TDG: variants seen among roughly 807,000 people sequenced by gnomAD.
TDG encodes G/T mismatch-specific thymine DNA glycosylase.
A neutral mutation model predicts 46.1 loss-of-function variants in TDG; 23 were observed. That is an observed-to-expected ratio of 0.50 (90% CI 0.36 to 0.71). The LOEUF is 0.71. Ranked by LOEUF, TDG falls within the 30% of genes least tolerant of loss-of-function variation. The pLI is 0.00. For missense variants in TDG, 304 were observed against 486.7 expected, an observed-to-expected ratio of 0.62 and a Z score of 3.53; for synonymous variants, 115 against 161.3, an observed-to-expected ratio of 0.71 and a Z score of 2.18.
intron 1 of TDG, among the ~76,000 whole-genome samples, chr12:103,967,221 T>G (rs556427873): frequency 6.6e-6 from 1 of 152,310 alleles, no homozygotes; most frequent in Non-Finnish European, 1.5e-5. Flanking sequence ...ATAGTAGGAC[T>G]TCAATACACT....
intron 1 of TDG, chr12:103,968,044 G>C (rs1395453062): frequency 7.2e-6 from 1 of 139,048 alleles, no homozygotes; most frequent in South Asian, 2.2e-4. Flanking sequence ...TGGCCAGGCG[G>C]GTCTTGAACT....
intron 1 of TDG, chr12:103,968,057 T>C (rs999398738): frequency 1.3e-5 from 2 of 149,906 alleles, no homozygotes; most frequent in Non-Finnish European, 3.0e-5. Context: ...CTTGAACTCC[T>C]GGCTTCAAGT....
chr12:103,966,609 C>T (rs560110873), intron 1 of TDG, among the ~76,000 whole-genome samples: 12 of 152,218 alleles, frequency 7.9e-5, no homozygotes, highest in Middle Eastern at 3.4e-3. Context: ...TTGAGTTTTC[C>T]AGTGGCCTTG....
At chr12:103,982,385 C>T (rs1419874504) in intron 4 of TDG, among the ~76,000 whole-genome samples, 2 of 152,154 alleles carry the variant, frequency 1.3e-5, no homozygotes, top group East Asian at 1.9e-4. Context: ...CTCAAAGTTT[C>T]CTAAACTGAG....
chr12:103,987,413 T>C lies in TDG; in HGVS notation c.*323T>C, dbSNP rs1160658901. 14 of 258,900 alleles carry C rather than the reference T, an allele frequency of 5.4e-5. No homozygotes were observed. Among genetic ancestry groups the C allele is most frequent in the African/African-American group, 3.0e-4 (13 of 43,292 alleles). 16.0% of individuals were successfully genotyped at this position (258,900 alleles called of 1,614,324 possible). ...TTTAAAATACAAGTCTGAATATTTA[T>C]AGTTGATTCTTAACTGCATAAACCT... is the stretch of plus-strand genomic sequence containing the variant. On this transcript the variant is annotated 3_prime_UTR_variant, in exon 10 of 10. Transcript: ENST00000392872.
At chr12:103,982,436 G>A (rs4135110) in intron 4 of TDG, among the ~76,000 whole-genome samples, 9,309 of 152,238 alleles carry the variant, frequency 0.061, 371 homozygotes, top group Non-Finnish European at 0.088. Flanking sequence ...TCAACCCCCT[G>A]TGAAAAGGAG....
At chr12:103,971,420 G>A (rs565678999) in intron 1 of TDG, among the ~76,000 whole-genome samples, 7 of 152,166 alleles carry the variant, frequency 4.6e-5, no homozygotes, top group African/African-American at 1.4e-4. Flanking sequence ...AAATTAGCCC[G>A]GTGTAGGTGC....
At position 103,988,093 on chromosome 12, in the gene TDG, TAAATG is replaced by T. The variant is rs1872274135; in HGVS notation, c.*1006_*1010del. 6.5e-6 allele frequency: 1 copy of T among 152,740 alleles called. No individual in the cohort carries two copies. The highest frequency in any genetic ancestry group is 2.4e-5 in the African/African-American group (1 of 41,484). The allele number at this position is 152,740 out of a possible 1,614,324, so 9.5% of individuals were successfully genotyped here. A position where few individuals can be genotyped will look rare whatever the true frequency, so the allele number is the denominator to read the frequency against. On this transcript the variant is annotated 3_prime_UTR_variant, in exon 10 of 10. Transcript: ENST00000392872. ...ATCATTGCTGTTTGTTACTATAAAT[TAAATG>T]AACCTCATGGAAAGGTTGAGGTGTA...
intron 1 of TDG, among the ~76,000 whole-genome samples, chr12:103,976,134 G>A (rs1871525410): frequency 6.6e-6 from 1 of 152,050 alleles, no homozygotes; most frequent in South Asian, 2.1e-4. Flanking sequence ...CCTGGGTGCA[G>A]TGGCTCACAT....
chr12:103,981,276 C>T (rs1388569004), intron 4 of TDG, among the ~76,000 whole-genome samples: 1 of 116,286 alleles, frequency 8.6e-6, no homozygotes, highest in East Asian at 2.4e-4. Context: ...GCTCTTTTTG[C>T]GCAGACTGGA....
chr12:103,984,992 TACAC>T, intron 8 of TDG, 72 bp downstream of exon 8: 2 of 1,257,216 alleles, frequency 1.6e-6, no homozygotes, highest in South Asian at 1.9e-5. Context: ...TACATATATA[TACAC>T]ATATACATAT....
rs1156979956 is a variant in TDG, at chr12:103,978,211, T to C, written c.166+1151T>C. Among the ~76,000 whole-genome samples the C allele has an allele frequency of 2.6e-5, 4 of 151,708 alleles. No homozygotes were observed. In the East Asian group the frequency reaches 7.7e-4, roughly 29 times the overall value. On this transcript the variant is annotated intron_variant, in intron 2 of 9. Coordinates refer to ENST00000392872, the MANE Select transcript of TDG (RefSeq NM_003211.6). ...ATTAGGAAACACTTAGGAGGTAGAA[T>C]TACCTAGCCATGGCTAATGGGTTTC...
intron 1 of TDG, among the ~76,000 whole-genome samples, chr12:103,969,329 T>G (rs1312755851): frequency 1.3e-5 from 2 of 152,238 alleles, no homozygotes; most frequent in African/African-American, 4.8e-5. Flanking sequence ...CTAGCAAATG[T>G]GCTTTACTGC....
At chr12:103,976,851 A>G in intron 1 of TDG, 67 bp from the exon 2 acceptor site, 1 of 1,588,332 alleles carries the variant, frequency 6.3e-7, no homozygotes, top group Non-Finnish European at 8.6e-7. Context: ...ATTTTTGTAC[A>G]GCTGATCATT....
At chr12:103,975,730 C>G (rs1157109456) in intron 1 of TDG, among the ~76,000 whole-genome samples, 1 of 152,044 alleles carries the variant, frequency 6.6e-6, no homozygotes, top group African/African-American at 2.4e-5. Flanking sequence ...GGTACAATCT[C>G]AGCTCACTTA....
intron 4 of TDG, among the ~76,000 whole-genome samples, chr12:103,981,987 C>G (rs887382206): frequency 2.6e-5 from 4 of 152,166 alleles, no homozygotes; most frequent in African/African-American, 9.7e-5. Flanking sequence ...GCACTCCAGC[C>G]TAGGTGACAG....
At chr12:103,968,052 A>G (rs1403833010) in intron 1 of TDG, 1 of 143,730 alleles carries the variant, frequency 7.0e-6, no homozygotes, top group African/African-American at 2.6e-5. Context: ...CGGGTCTTGA[A>G]CTCCTGGCTT....
intron 9 of TDG, chr12:103,986,145 T>C (rs532685881): frequency 6.6e-6 from 1 of 152,492 alleles, no homozygotes; most frequent in East Asian, 1.9e-4. Flanking sequence ...TTGGTCTCGA[T>C]CTCCTGACCT....
chr12:103,986,071 C>G (rs1028046703), intron 9 of TDG, among the ~76,000 whole-genome samples: 17 of 152,070 alleles, frequency 1.1e-4, no homozygotes, highest in African/African-American at 3.6e-4. Flanking sequence ...AGGCATCCGC[C>G]ACGATGCCTG....
Sources: gnomAD v4.1 joint callset for allele counts (sites outside exome capture counted in the v4.1 genomes callset) on GRCh38, gnomAD v4.1.1 for gene constraint, MANE v1.5 for transcripts, NCBI Gene and HGNC (gene_info 2026-07-23, HGNC 2026-07-21) for gene names.